Variants in EVL observed in about 807,000 individuals in gnomAD.
EVL encodes Enah/Vasp-like, also known as ena/VASP-like protein.
In EVL, 21 loss-of-function variants were observed where a neutral mutation model predicts 59.6. The ratio of observed to expected loss-of-function variants is 0.35; its 90% CI spans 0.25 to 0.51. EVL has a LOEUF of 0.51. Ranked by LOEUF, EVL falls within the 20% of genes least tolerant of loss-of-function variation. The probability of loss-of-function intolerance (pLI) is 0.97; values close to 1 mark genes in which losing one functional copy is unlikely to be tolerated. For synonymous variants in EVL, 198 were observed against 203.5 expected (o/e 0.97, Z 0.23); for missense variants, 462 against 546.6 (o/e 0.85, Z 1.54).
intron 3 of EVL, among the ~76,000 whole-genome samples, chr14:100,101,060 G>A (rs771741931): frequency 1.3e-5 from 2 of 152,098 alleles, no homozygotes; most frequent in Non-Finnish European, 2.9e-5. Context: ...AACAATATAT[G>A]TGCTTTTCAA....
At chr14:100,068,774 G>A (rs541721088) in intron 1 of EVL, among the ~76,000 whole-genome samples, 3 of 152,270 alleles carry the variant, frequency 2.0e-5, no homozygotes, top group Non-Finnish European at 4.4e-5. Flanking sequence ...GTGCTAGCTG[G>A]AAGAATCTGT....
intron 2 of EVL, among the ~76,000 whole-genome samples, chr14:100,095,902 A>G (rs1885776279): frequency 6.6e-6 from 1 of 152,100 alleles, no homozygotes; most frequent in Admixed American, 6.5e-5. Context: ...TTATTTTTGT[A>G]TTTTTAGTAG....
intron 1 of EVL, among the ~76,000 whole-genome samples, chr14:100,078,420 A>G (rs1393781501): frequency 2.0e-5 from 3 of 152,200 alleles, no homozygotes; most frequent in Non-Finnish European, 4.4e-5. Context: ...AGGACATAGC[A>G]GTGCCTGGCT....
intron 4 of EVL, among the ~76,000 whole-genome samples, chr14:100,123,937 A>T (rs572848075): frequency 1.7e-3 from 262 of 152,314 alleles, no homozygotes; most frequent in Non-Finnish European, 2.2e-3. Flanking sequence ...ACGTAGCAGG[A>T]GGCAGTCCAG....
chr14:100,073,184 C>G (rs1265667995), intron 1 of EVL, among the ~76,000 whole-genome samples: 2 of 151,966 alleles, frequency 1.3e-5, no homozygotes, highest in African/African-American at 4.8e-5. Context: ...ACACTCTTCC[C>G]TCTGCTTGAA....
chr14:100,119,356 A>G (rs1020395397), intron 3 of EVL, among the ~76,000 whole-genome samples: 1 of 152,234 alleles, frequency 6.6e-6, no homozygotes, highest in African/African-American at 2.4e-5. Flanking sequence ...TGCCTCGGCA[A>G]AATCAGCTCC....
chr14:100,127,843 C>T lies in EVL; in HGVS notation c.488-676C>T, dbSNP rs1888176268. Among the ~76,000 whole-genome samples the T allele has an allele frequency of 2.6e-5, 4 of 152,238 alleles. No individual in the cohort carries two copies. ...TAACACTTGTCAGCTTGCCACAGTC[C>T]TCCATCTGCGTTTACCTCTGCGATT... On this transcript the variant is annotated intron_variant, in intron 5 of 13. Transcript: ENST00000392920. This position sits in a 1 kb window ranked among gnomAD's most constrained non-coding sequence, Gnocchi z 4.2.
intron 13 of EVL, chr14:100,142,378 C>G (rs2140411990): frequency 6.5e-6 from 1 of 152,694 alleles, no homozygotes; most frequent in South Asian, 2.1e-4. Flanking sequence ...CCTTCCGGTT[C>G]CCAGCAGAGC....
chr14:100,119,462 G>A (rs1426698321), intron 3 of EVL, among the ~76,000 whole-genome samples: 3 of 152,112 alleles, frequency 2.0e-5, no homozygotes, highest in Non-Finnish European at 4.4e-5. Context: ...CACTCATCCC[G>A]TATACTTCAG....
intron 1 of EVL, among the ~76,000 whole-genome samples, chr14:100,007,247 C>T (rs1217672537): frequency 6.6e-6 from 1 of 151,954 alleles, no homozygotes; most frequent in Non-Finnish European, 1.5e-5. Flanking sequence ...CAGGACAACT[C>T]AAGCAGGGAG....
intron 1 of EVL, among the ~76,000 whole-genome samples, chr14:99,980,942 G>A (rs1268732170): frequency 6.6e-6 from 1 of 152,028 alleles, no homozygotes; most frequent in East Asian, 1.9e-4. Context: ...TAGTTTTATA[G>A]TTGTGTATAT....
At chr14:100,030,132 G>T (rs1301939227) in intron 1 of EVL, among the ~76,000 whole-genome samples, 5 of 133,542 alleles carry the variant, frequency 3.7e-5, no homozygotes, top group East Asian at 2.1e-4. Flanking sequence ...CGTTCTTGTT[G>T]CCCAGGCTGG....
At chr14:100,121,387 T>C (rs746402516) in intron 3 of EVL, among the ~76,000 whole-genome samples, 5 of 152,148 alleles carry the variant, frequency 3.3e-5, no homozygotes, top group African/African-American at 7.2e-5. Context: ...TGGGTGACAT[T>C]GGACAGACCC....
intron 1 of EVL, among the ~76,000 whole-genome samples, chr14:99,981,652 G>A (rs2060807083): frequency 6.6e-6 from 1 of 152,066 alleles, no homozygotes; most frequent in Non-Finnish European, 1.5e-5. Flanking sequence ...GAATTTTTTT[G>A]TTTCCAAGTG....
intron 3 of EVL, chr14:100,102,525 A>T (rs889880155): frequency 1.9e-5 from 7 of 372,728 alleles, no homozygotes; most frequent in South Asian, 6.0e-5. Context: ...CTTCTTGTTT[A>T]GCTTCTAGAG....
chr14:100,062,099 C>T (rs1236562169), upstream of EVL, among the ~76,000 whole-genome samples: 1 of 151,802 alleles, frequency 6.6e-6, no homozygotes, highest in African/African-American at 2.4e-5. Flanking sequence ...AATCATACCA[C>T]TGTACGCCGG....
At chr14:100,066,304 C>T (rs965477446) in intron 1 of EVL, 3 of 152,078 alleles carry the variant, frequency 2.0e-5, no homozygotes, top group Non-Finnish European at 2.9e-5. Flanking sequence ...ATCTTTTAGC[C>T]GTGTTAGATT....
At chr14:100,001,525 A>G (rs867768368) in intron 1 of EVL, among the ~76,000 whole-genome samples, 1 of 152,240 alleles carries the variant, frequency 6.6e-6, no homozygotes, top group African/African-American at 2.4e-5. Flanking sequence ...TATAAAGTGC[A>G]GCGAGAGTAA....
At chr14:100,011,795 C>G (rs756809645) in intron 1 of EVL, among the ~76,000 whole-genome samples, 8 of 152,092 alleles carry the variant, frequency 5.3e-5, no homozygotes, top group Non-Finnish European at 8.8e-5. Context: ...ACTTAAAATT[C>G]CTGCCTTATC....
Sources: gnomAD v4.1 joint callset for allele counts (sites outside exome capture counted in the v4.1 genomes callset) on GRCh38, gnomAD v4.1.1 for gene constraint, Gnocchi (gnomAD v3.1) non-coding constraint, MANE v1.5 for transcripts, NCBI Gene and HGNC (gene_info 2026-07-23, HGNC 2026-07-21) for gene names.